The following BIN1 variants were observed in gnomAD, a reference collection of about 807,000 sequenced individuals.
The protein encoded by BIN1 is myc box-dependent-interacting protein 1.
BIN1 carries 53 observed loss-of-function variants against 82.0 expected under a neutral mutation model. The ratio of observed to expected loss-of-function variants is 0.65; its 90% CI spans 0.52 to 0.81. The LOEUF is 0.81. Ranked by LOEUF, BIN1 falls within the 40% of genes least tolerant of loss-of-function variation. The pLI, the probability that BIN1 is intolerant of heterozygous loss-of-function variation, is 0.00. For missense variants in BIN1, 642 were observed against 784.4 expected, an observed-to-expected ratio of 0.82 and a Z score of 2.17; for synonymous variants, 302 against 328.0, an observed-to-expected ratio of 0.92 and a Z score of 0.86.
At chr2:127,075,221 T>TGAG (rs58447777) in intron 2 of BIN1, among the ~76,000 whole-genome samples, 27,116 of 152,122 alleles carry the variant, frequency 0.18, 2,530 homozygotes, top group South Asian at 0.25. Flanking sequence ...ATCTGCAAAA[T>TGAG]GAGAATATCA....
intron 2 of BIN1, among the ~76,000 whole-genome samples, chr2:127,074,744 C>T (rs375700495): frequency 6.6e-6 from 1 of 152,172 alleles, no homozygotes; most frequent in East Asian, 1.9e-4. Flanking sequence ...GCTCTGTAGC[C>T]CAGGCTGGAG....
At chr2:127,077,039 G>C (rs1016657847) in intron 1 of BIN1, among the ~76,000 whole-genome samples, 2 of 152,194 alleles carry the variant, frequency 1.3e-5, no homozygotes, top group Admixed American at 6.5e-5. Context: ...CTGCACCCCT[G>C]GGTGCTCCGC....
chr2:127,098,364 T>G (rs1267983867), intron 1 of BIN1, among the ~76,000 whole-genome samples: 1 of 152,080 alleles, frequency 6.6e-6, no homozygotes, highest in African/African-American at 2.4e-5. Context: ...TCACTCCCCG[T>G]AACAATCCGG....
intron 12 of BIN1, chr2:127,056,348 G>C (rs892897108): frequency 1.3e-5 from 2 of 152,542 alleles, no homozygotes; most frequent in Non-Finnish European, 2.9e-5. Context: ...CCACAGAGAG[G>C]GGCTCCCGCG....
At chr2:127,062,223 G>C in intron 9 of BIN1, 26 bp from the exon 10 acceptor site, 1 of 1,583,942 alleles carries the variant, frequency 6.3e-7, no homozygotes. Flanking sequence ...TGAGGAGGTG[G>C]GGGGCCTCCA....
chr2:127,106,370 G>A (rs900816947), intron 1 of BIN1, among the ~76,000 whole-genome samples: 2 of 152,210 alleles, frequency 1.3e-5, no homozygotes, highest in African/African-American at 4.8e-5. Context: ...TGTGGGTGCC[G>A]GTTCGAGAAG....
intron 1 of BIN1, among the ~76,000 whole-genome samples, chr2:127,078,367 T>C (rs1686885702): frequency 6.6e-6 from 1 of 152,208 alleles, no homozygotes; most frequent in African/African-American, 2.4e-5. Flanking sequence ...GGTAGAGATC[T>C]CTTCTAGCCT....
intron 1 of BIN1, among the ~76,000 whole-genome samples, chr2:127,101,211 G>T (rs1210138571): frequency 6.6e-6 from 1 of 152,070 alleles, no homozygotes; most frequent in Non-Finnish European, 1.5e-5. Context: ...ACCCAGCGAG[G>T]CTGCACATCT....
At chr2:127,087,112 G>T (rs1678273382) in intron 1 of BIN1, among the ~76,000 whole-genome samples, 1 of 152,192 alleles carries the variant, frequency 6.6e-6, no homozygotes, top group Admixed American at 6.5e-5. Flanking sequence ...ATCCTTAACT[G>T]ACAATAAAAA....
Position 127,062,273 on chromosome 2 carries a change from T to G in BIN1, c.775-76A>C, listed in dbSNP as rs556459662. On this transcript the variant is annotated intron_variant, in intron 9 of 18. Coordinates refer to ENST00000316724, the MANE Select transcript of BIN1 (RefSeq NM_139343.3). Reference sequence around the variant, plus strand: ...CCCCACCTTCCCCAAACACCTCTGCTTCTCCCCACCACCCCCAGCCCCTGC... The same window carrying G: ...CCCCACCTTCCCCAAACACCTCTGCGTCTCCCCACCACCCCCAGCCCCTGC... 4.2e-5 allele frequency: 59 copies of G among 1,390,104 alleles called. No homozygotes were observed. The East Asian group carries it at 1.5e-3, about 35-fold the overall frequency. 86.1% of individuals were successfully genotyped at this position (1,390,104 alleles called of 1,614,324 possible).
At chr2:127,070,217 T>C in intron 4 of BIN1, 127 bp from the exon 5 acceptor site, 4 of 777,900 alleles carry the variant, frequency 5.1e-6, no homozygotes, top group Non-Finnish European at 8.8e-6. Context: ...GAGCCTCAGT[T>C]TCCCCATCTG....
rs1349904927 is a variant in BIN1 at position 127,082,810 on chromosome 2, C to T, written c.85-6104G>A. On this transcript the variant is annotated intron_variant, in intron 1 of 18. Coordinates refer to ENST00000316724, the MANE Select transcript of BIN1 (RefSeq NM_139343.3). This position sits in a 1 kb window ranked among gnomAD's most constrained non-coding sequence, Gnocchi z 6.1. ...GACAGTGGAGCCACCTAAGCCTGCT[C>T]CCCACCTCTGGGTGGAGAGTCTCGG... Among the ~76,000 whole-genome samples the T allele has an allele frequency of 6.6e-6, 1 of 152,024 alleles. No individual in the cohort carries two copies. Among genetic ancestry groups the T allele is most frequent in the Non-Finnish European group, 1.5e-5 (1 of 68,002 alleles).
Position 127,057,510 on chromosome 2 carries a change from G to A in BIN1, c.1094C>T (p.Thr365Met), listed in dbSNP as rs577812854. ...GGTCACGCTGATCTCAGGGACAAACGTGTCCTCAAACAGGCTGAGGATCTG... is the reference window on the plus strand; with the variant it reads ...GGTCACGCTGATCTCAGGGACAAACATGTCCTCAAACAGGCTGAGGATCTG... The part of the protein sequence containing the change: ...QEQILSLFED[T>M]FVPEISVTTP... The change falls in exon 12 of 19, where the codon ACG (threonine) becomes ATG (methionine). Residue 365 changes from threonine (T) to methionine (M), a missense_variant. Physicochemically the swap from Thr to Met is moderately conservative, Grantham distance 81. Transcript: ENST00000316724. This position sits in a 1 kb window ranked among gnomAD's most constrained non-coding sequence, Gnocchi z 5.0. 1.3e-5 allele frequency: 20 copies of A among 1,547,916 alleles called. 1 individual carries two copies. Among genetic ancestry groups the A allele is most frequent in the South Asian group, 4.8e-5 (4 of 83,538 alleles).
intron 15 of BIN1, among the ~76,000 whole-genome samples, chr2:127,051,457 G>A (rs144465238): frequency 7.9e-5 from 12 of 152,256 alleles, no homozygotes; most frequent in Admixed American, 3.3e-4. Flanking sequence ...AAGAGTAGGC[G>A]CTGGCAGGCC....
chr2:127,073,136 G>A (rs767562767), intron 2 of BIN1, among the ~76,000 whole-genome samples: 6 of 152,218 alleles, frequency 3.9e-5, no homozygotes, highest in Non-Finnish European at 7.3e-5. Flanking sequence ...GCGCCGGCAC[G>A]TGGCACGCAG....
rs942705463 is a variant in BIN1, at chr2:127,063,571, C to G, written c.774G>C (p.Lys258Asn). ...LEENFHKEMS[K>N]LNQNLNDVLV... ...CCTCAGAGGGGTCCCCATGGCCTAC[C>G]TTGCTCATCTCCTTGTGGAAGTTTT... The change falls in exon 9 of 19, where the codon AAG becomes AAC. Residue 258 changes from lysine to asparagine, a missense_variant and splice_region_variant. By Grantham distance (94) the Lys-to-Asn change is moderately conservative (BLOSUM62 0). Coordinates refer to ENST00000316724, the MANE Select transcript of BIN1 (RefSeq NM_139343.3). The G allele has an allele frequency of 6.2e-7, 1 of 1,613,844 alleles. No homozygotes were observed. The highest frequency in any genetic ancestry group is 2.2e-5 in the East Asian group (1 of 44,880).
At chr2:127,055,489 CA>C (rs3834109) in intron 12 of BIN1, 52,775 of 152,112 alleles carry the variant, frequency 0.35, 10,150 homozygotes, top group South Asian at 0.53. Flanking sequence ...GAACCCAGGG[CA>C]GGGAGGTCAC....
intron 7 of BIN1, among the ~76,000 whole-genome samples, chr2:127,064,471 T>C (rs79500266): frequency 0.11 from 16,655 of 152,178 alleles, 1,009 homozygotes; most frequent in South Asian, 0.19. Flanking sequence ...CTGCCCCCAA[T>C]TGCCCCCGCC....
At chr2:127,106,223 G>T (rs1373085034) in intron 1 of BIN1, among the ~76,000 whole-genome samples, 1 of 152,186 alleles carries the variant, frequency 6.6e-6, no homozygotes, top group Non-Finnish European at 1.5e-5. Flanking sequence ...TCCTTGCGGG[G>T]TGCGTAGCCC....
Sources: gnomAD v4.1 joint callset for allele counts (sites outside exome capture counted in the v4.1 genomes callset) on GRCh38, gnomAD v4.1.1 for gene constraint, Gnocchi (gnomAD v3.1) non-coding constraint, MANE v1.5 for transcripts, NCBI Gene and HGNC (gene_info 2026-07-23, HGNC 2026-07-21) for gene names.